The following INTS8 variants were observed in gnomAD, a reference collection of about 807,000 sequenced individuals.
INTS8 encodes integrator complex subunit 8.
Under a neutral mutation model 138.9 loss-of-function variants are expected in INTS8, and 47 were observed. That is an observed-to-expected ratio of 0.34 (90% CI 0.27 to 0.43). The LOEUF (loss-of-function observed/expected upper bound fraction) is 0.43, where lower values mean the gene tolerates loss of function less well. Among genes scored for constraint, INTS8 ranks in the 20% least tolerant of loss-of-function variants. The pLI, the probability that INTS8 is intolerant of heterozygous loss-of-function variation, is 1.00. For synonymous variants in INTS8, 392 were observed against 400.9 expected (o/e 0.98, Z 0.27); for missense variants, 996 against 1,173.0 (o/e 0.85, Z 2.20).
In INTS8 at chr8:94,871,967, A is replaced by G. The variant is rs1160894587; in HGVS notation, c.2498A>G (p.His833Arg). 6 of 1,593,450 alleles carry G rather than the reference A, an allele frequency of 3.8e-6. No homozygotes were observed. The highest frequency in any genetic ancestry group is 5.2e-6 in the Non-Finnish European group (6 of 1,163,154). ...ACACTCAGTATAAATCCAAATAACC[A>G]TTCTTGGTTAATTATCCAGGCAGAT... ...RYTLSINPNN[H>R]SWLIIQADIY... Residue 833 changes from histidine to arginine, a missense_variant, in exon 21 of 27, where the codon CAT (histidine) becomes CGT (arginine). His to Arg is a conservative substitution (Grantham distance 29). Coordinates refer to ENST00000523731, the MANE Select transcript of INTS8 (RefSeq NM_017864.4).
rs763852037 is a variant in INTS8, at chr8:94,867,357, T to C, written c.2414+20T>C. The C allele has an allele frequency of 6.4e-7, 1 of 1,570,556 alleles. No homozygotes were observed. Among genetic ancestry groups the C allele is most frequent in the Non-Finnish European group, 8.7e-7 (1 of 1,144,482 alleles). On this transcript the variant is annotated intron_variant, in intron 20 of 26. Coordinates refer to ENST00000523731, the MANE Select transcript of INTS8 (RefSeq NM_017864.4). ...TCCCAAGTAAGTAGTGGTATAGCTTTTATTTTATTAATTGAGTTATGTATT... is the reference window on the plus strand; with the variant it reads ...TCCCAAGTAAGTAGTGGTATAGCTTCTATTTTATTAATTGAGTTATGTATT...
intron 23 of INTS8, chr8:94,875,850 C>T (rs1489857906): frequency 4.4e-6 from 2 of 458,704 alleles, no homozygotes; most frequent in Non-Finnish European, 7.9e-6. Flanking sequence ...GCCAGCTTCT[C>T]ATTCAAACAA....
chr8:94,872,578 C>A (rs1816435996), intron 21 of INTS8, among the ~76,000 whole-genome samples: 1 of 152,124 alleles, frequency 6.6e-6, no homozygotes, highest in Non-Finnish European at 1.5e-5. Flanking sequence ...ATGAGGTTTT[C>A]TTTTTAAAAT....
Position 94,838,624 on chromosome 8 carries a change from G to A in INTS8, c.1017+6G>A. 1 of 1,601,920 alleles carries A rather than the reference G, an allele frequency of 6.2e-7. No individual in the cohort carries two copies. The highest frequency in any genetic ancestry group is 8.5e-7 in the Non-Finnish European group (1 of 1,170,442). On this transcript the variant is annotated splice_donor_region_variant and intron_variant, in intron 8 of 26. Transcript: ENST00000523731. ...TGAGATCTGGCAACTATCAGGTAAGGTGTATGAGGGGGATGCAGTGAAGTT... is the reference window on the plus strand; with the variant it reads ...TGAGATCTGGCAACTATCAGGTAAGATGTATGAGGGGGATGCAGTGAAGTT...
At chr8:94,844,644 C>T (rs1815263439) in intron 10 of INTS8, among the ~76,000 whole-genome samples, 1 of 151,924 alleles carries the variant, frequency 6.6e-6, no homozygotes, top group African/African-American at 2.4e-5. Context: ...ATTATATTGT[C>T]TGTTCTTTGG....
At chr8:94,827,176 T>C in intron 2 of INTS8, 87 bp from the exon 3 acceptor site, 1 of 1,142,386 alleles carries the variant, frequency 8.8e-7, no homozygotes, top group Non-Finnish European at 1.3e-6. Flanking sequence ...ACAATGTAGG[T>C]ATTTTCAGCG....
chr8:94,840,367 A>G (rs1443133903), intron 8 of INTS8, among the ~76,000 whole-genome samples: 2 of 151,812 alleles, frequency 1.3e-5, no homozygotes, highest in Non-Finnish European at 2.9e-5. Flanking sequence ...ATTTTCAGAT[A>G]TCTCCTTTCC....
chr8:94,860,935 TAGTCCCAGCTACTCGGG>T (rs1815940615), intron 16 of INTS8, among the ~76,000 whole-genome samples: 1 of 150,766 alleles, frequency 6.6e-6, no homozygotes, highest in African/African-American at 2.4e-5. Context: ...CGGGCTCCTG[TAGTCCCAGCTACTCGGG>T]AGGCTGAGGC....
At chr8:94,871,225 G>A (rs1018701785) in intron 20 of INTS8, among the ~76,000 whole-genome samples, 8 of 152,008 alleles carry the variant, frequency 5.3e-5, no homozygotes, top group East Asian at 3.9e-4. Flanking sequence ...CCCCAGCACC[G>A]GGAGGCTGAG....
rs1815771932 is a variant in INTS8 at position 94,856,991 on chromosome 8, C to T, written c.1954+13C>T. 6.3e-7 allele frequency: 1 copy of T among 1,595,538 alleles called. No homozygotes were observed. On this transcript the variant is annotated intron_variant, in intron 15 of 26. Transcript: ENST00000523731. ...ATGAGGCTTCCTGGTAAGACTGGTT[C>T]ACAAAGACAAATTTCAGAAACTCAG...
intron 16 of INTS8, among the ~76,000 whole-genome samples, chr8:94,861,927 C>T (rs1215586795): frequency 6.6e-6 from 1 of 151,780 alleles, no homozygotes; most frequent in Non-Finnish European, 1.5e-5. Context: ...AAATTTCAGA[C>T]ATTGAATCAT....
At chr8:94,851,969 A>C (rs574333409) in intron 13 of INTS8, among the ~76,000 whole-genome samples, 19 of 152,248 alleles carry the variant, frequency 1.2e-4, no homozygotes, top group Admixed American at 2.6e-4. Context: ...TTGAGACAGA[A>C]TCTCACTCTG....
At chr8:94,854,908 ATTT>A (rs35252211) in intron 14 of INTS8, among the ~76,000 whole-genome samples, 4 of 135,738 alleles carry the variant, frequency 2.9e-5, no homozygotes, top group Non-Finnish European at 3.1e-5. Context: ...ATTTGAAAGA[ATTT>A]TTTTTTTTTT....
At chr8:94,862,857 ACACACACACG>A (rs1409075613) in intron 16 of INTS8, among the ~76,000 whole-genome samples, 1 of 151,830 alleles carries the variant, frequency 6.6e-6, no homozygotes, top group Non-Finnish European at 1.5e-5. Flanking sequence ...AATGCACCAC[ACACACACACG>A]CACACACGTG....
intron 13 of INTS8, among the ~76,000 whole-genome samples, chr8:94,852,113 A>G (rs1815568445): frequency 6.6e-6 from 1 of 151,498 alleles, no homozygotes. Context: ...CGGCTAATTT[A>G]TGTATTTTTA....
intron 7 of INTS8, 60 bp from the exon 8 acceptor site, chr8:94,838,403 G>A: frequency 7.3e-7 from 1 of 1,371,078 alleles, no homozygotes; most frequent in Non-Finnish European, 1.0e-6. Flanking sequence ...TGCTAAGGGG[G>A]TGCTAGACTA....
intron 15 of INTS8, among the ~76,000 whole-genome samples, chr8:94,858,012 C>T (rs1246262474): frequency 1.3e-5 from 2 of 152,192 alleles, no homozygotes; most frequent in Admixed American, 6.5e-5. Context: ...GCTAGAAATT[C>T]ACTTGTGGCT....
intron 16 of INTS8, among the ~76,000 whole-genome samples, chr8:94,860,675 G>A (rs1027649813): frequency 6.6e-6 from 1 of 150,772 alleles, no homozygotes. Flanking sequence ...GGTATATTTG[G>A]TGCTTCAGAT....
chr8:94,836,669 T>C, intron 7 of INTS8, 38 bp downstream of exon 7: 1 of 1,248,250 alleles, frequency 8.0e-7, no homozygotes, highest in Non-Finnish European at 1.2e-6. Context: ...TGTTCAGTTC[T>C]TTAAAACATC....
Sources: gnomAD v4.1 joint callset for allele counts (sites outside exome capture counted in the v4.1 genomes callset) on GRCh38, gnomAD v4.1.1 for gene constraint, MANE v1.5 for transcripts, NCBI Gene and HGNC (gene_info 2026-07-23, HGNC 2026-07-21) for gene names.